Variants in MACROD2 observed in about 807,000 individuals in gnomAD.
MACROD2 encodes the protein ADP-ribose glycohydrolase MACROD2.
MACROD2 carries 36 observed loss-of-function variants against 70.4 expected under a neutral mutation model. The ratio of observed to expected loss-of-function variants is 0.51; its 90% CI spans 0.39 to 0.68. The LOEUF (loss-of-function observed/expected upper bound fraction) is 0.68. Ranked by LOEUF, MACROD2 falls within the 30% of genes least tolerant of loss-of-function variation. The pLI, the probability that MACROD2 is intolerant of heterozygous loss-of-function variation, is 0.00. For missense variants in MACROD2, 496 were observed against 538.4 expected (o/e 0.92, Z 0.78); for synonymous variants, 172 against 178.8 (o/e 0.96, Z 0.30).
At chr20:14,680,546 ACTTCTAAGATAATAGAAT>A (rs1399977636) in intron 4 of MACROD2, among the ~76,000 whole-genome samples, 2 of 152,180 alleles carry the variant, frequency 1.3e-5, no homozygotes, top group Non-Finnish European at 2.9e-5. Flanking sequence ...GCTAGAACAA[ACTTCTAAGATAATAGAAT>A]CTTCTAAGAT....
intron 3 of MACROD2, among the ~76,000 whole-genome samples, chr20:14,215,179 A>G (rs377248582): frequency 2.0e-5 from 3 of 149,944 alleles, no homozygotes; most frequent in South Asian, 4.2e-4. Context: ...TATATTTTCC[A>G]TCATATATAT....
intron 3 of MACROD2, among the ~76,000 whole-genome samples, chr20:14,303,187 ACATAG>A (rs2122494050): frequency 6.6e-6 from 1 of 152,244 alleles, no homozygotes; most frequent in Non-Finnish European, 1.5e-5. Context: ...CTTTAGGGTC[ACATAG>A]CTTTGCTATG....
Position 15,897,768 on chromosome 20 carries a change from T to C in MACROD2, c.775+11957T>C, listed in dbSNP as rs73614484. On this transcript the variant is annotated intron_variant, in intron 10 of 17. Transcript: ENST00000684519. ...TTATTTAATTAACACATAAAATACC[T>C]TTAATAATCTGCATCATAAATTTAA... Among the ~76,000 whole-genome samples, 591 of 152,320 alleles carry C rather than the reference T, an allele frequency of 3.9e-3. 2 individuals carry two copies. Among genetic ancestry groups the C allele is most frequent in the South Asian group, 0.024 (114 of 4,832 alleles).
At chr20:14,818,348 A>G (rs1043349052) in intron 5 of MACROD2, among the ~76,000 whole-genome samples, 2 of 152,032 alleles carry the variant, frequency 1.3e-5, no homozygotes, top group Admixed American at 6.6e-5. Flanking sequence ...ACAAAATCCT[A>G]CTACCTTCTG....
rs546156184 is a variant in MACROD2 at position 14,276,164 on chromosome 20, AG to A, written c.271+190437del. On this transcript the variant is annotated intron_variant, in intron 3 of 17. Coordinates refer to ENST00000684519, the MANE Select transcript of MACROD2 (RefSeq NM_001351661.2). The stretch of plus-strand genomic sequence containing the variant: ...AGGACTGTAAATCATGCTGCTATAA[AG>A]ACACATGCACGCGTATGTTTATTGC... Among the ~76,000 whole-genome samples, 1,286 of 152,296 alleles carry A rather than the reference AG, an allele frequency of 8.4e-3. 7 individuals carry two copies. The highest frequency in any genetic ancestry group is 0.015 in the South Asian group (72 of 4,818).
intron 8 of MACROD2, among the ~76,000 whole-genome samples, chr20:15,741,655 T>G (rs1192188646): frequency 6.6e-6 from 1 of 152,052 alleles, no homozygotes; most frequent in Non-Finnish European, 1.5e-5. Context: ...GAAAGCAACA[T>G]CTCCCACTCC....
At chr20:15,408,349 G>T (rs2046032219) in intron 6 of MACROD2, among the ~76,000 whole-genome samples, 1 of 152,182 alleles carries the variant, frequency 6.6e-6, no homozygotes, top group South Asian at 2.1e-4. Flanking sequence ...GTATTTGACA[G>T]CATTTATCTG....
rs182549324 is a variant in MACROD2, at chr20:15,778,649, T to C, written c.646-84096T>C. Among the ~76,000 whole-genome samples, 157 of 152,134 alleles carry C rather than the reference T, an allele frequency of 1.0e-3. 5 individuals are homozygous for C. Among genetic ancestry groups the C allele is most frequent in the Non-Finnish European group, 8.8e-5 (6 of 68,006 alleles). On this transcript the variant is annotated intron_variant, in intron 8 of 17. Transcript: ENST00000684519. ...GATCTTTGAACCCTAAATATTTTAC[T>C]TTAGGTACAGAGGTTATAAAATACC...
At chr20:15,609,984 T>C (rs1360189740) in intron 8 of MACROD2, among the ~76,000 whole-genome samples, 1 of 152,216 alleles carries the variant, frequency 6.6e-6, no homozygotes, top group African/African-American at 2.4e-5. Flanking sequence ...AGGCAATGAA[T>C]TGCATTTAAT....
At chr20:14,949,419 T>C (rs1600862015) in intron 5 of MACROD2, among the ~76,000 whole-genome samples, 1 of 152,242 alleles carries the variant, frequency 6.6e-6, no homozygotes, top group South Asian at 2.1e-4. Flanking sequence ...AGAGGCAGGG[T>C]TTTAGTATTA....
intron 2 of MACROD2, among the ~76,000 whole-genome samples, chr20:14,028,253 A>G (rs1569123417): frequency 6.6e-6 from 1 of 151,226 alleles, no homozygotes; most frequent in Non-Finnish European, 1.5e-5. Context: ...AATGGCAGCT[A>G]CTCTCCCTCC....
At chr20:14,679,875 A>T (rs1401723808) in intron 4 of MACROD2, among the ~76,000 whole-genome samples, 1 of 152,234 alleles carries the variant, frequency 6.6e-6, no homozygotes, top group Non-Finnish European at 1.5e-5. Flanking sequence ...AATAGTAACT[A>T]GGAATTCTTG....
chr20:14,009,798 A>T (rs2052875225), intron 2 of MACROD2, among the ~76,000 whole-genome samples: 1 of 152,222 alleles, frequency 6.6e-6, no homozygotes, highest in African/African-American at 2.4e-5. Flanking sequence ...CATAAAAAGG[A>T]ACAACATCAT....
chr20:15,003,438 A>C (rs1026215084), intron 5 of MACROD2, among the ~76,000 whole-genome samples: 2 of 152,220 alleles, frequency 1.3e-5, no homozygotes, highest in Non-Finnish European at 2.9e-5. Context: ...CTGGGAAAAG[A>C]AACATATCAT....
At chr20:15,862,604 C>G (rs1029936785) in intron 8 of MACROD2, 141 bp from the exon 9 acceptor site, 2 of 629,544 alleles carry the variant, frequency 3.2e-6, no homozygotes, top group South Asian at 2.0e-5. Flanking sequence ...TTGAACTTCA[C>G]TCAATGCTAT....
chr20:14,930,483 G>GT (rs954461943), intron 5 of MACROD2, among the ~76,000 whole-genome samples: 8 of 152,002 alleles, frequency 5.3e-5, no homozygotes. Flanking sequence ...GAGCTATGAG[G>GT]TCTCAGGCAA....
chr20:15,333,486 A>G (rs1338973232), intron 6 of MACROD2, among the ~76,000 whole-genome samples: 4 of 151,524 alleles, frequency 2.6e-5, no homozygotes, highest in African/African-American at 7.3e-5. Flanking sequence ...CTGAGAGAGA[A>G]ATTTTCTCAA....
intron 3 of MACROD2, among the ~76,000 whole-genome samples, chr20:14,345,632 A>G (rs1009561273): frequency 6.6e-6 from 1 of 151,622 alleles, no homozygotes; most frequent in Non-Finnish European, 1.5e-5. Flanking sequence ...GTTTTGCCAT[A>G]TTGGCCAGGC....
intron 8 of MACROD2, among the ~76,000 whole-genome samples, chr20:15,768,811 A>G (rs986684091): frequency 6.6e-6 from 1 of 152,082 alleles, no homozygotes; most frequent in Non-Finnish European, 1.5e-5. Context: ...ATTAATTTTC[A>G]TGTATGTATT....
Sources: gnomAD v4.1 joint callset for allele counts (sites outside exome capture counted in the v4.1 genomes callset) on GRCh38, gnomAD v4.1.1 for gene constraint, MANE v1.5 for transcripts, NCBI Gene and HGNC (gene_info 2026-07-23, HGNC 2026-07-21) for gene names.